Variants in FHIT observed in about 807,000 individuals in gnomAD.
The protein encoded by FHIT is fragile histidine triad diadenosine triphosphatase, also known as bis(5'-adenosyl)-triphosphatase.
A neutral mutation model predicts 17.9 loss-of-function variants in FHIT; 19 were observed. The observed-to-expected ratio is 1.06, with a 90% CI of 0.74 to 1.56. The LOEUF is 1.56. Among genes scored for constraint, FHIT ranks in the 40% most tolerant of loss-of-function variants. FHIT has a pLI of 0.00. For synonymous variants in FHIT, 81 were observed against 69.7 expected, an observed-to-expected ratio of 1.16 and a Z score of -0.81; for missense variants, 248 against 189.2, an observed-to-expected ratio of 1.31 and a Z score of -1.82.
chr3:61,014,326 C>T (rs1293788145), intron 3 of FHIT, among the ~76,000 whole-genome samples: 1 of 152,112 alleles, frequency 6.6e-6, no homozygotes, highest in Non-Finnish European at 1.5e-5. Flanking sequence ...TCACTATTTG[C>T]TCCTTGCTGC....
At chr3:60,169,624 CTGAGTA>C (rs1339749129) in intron 5 of FHIT, among the ~76,000 whole-genome samples, 1 of 152,114 alleles carries the variant, frequency 6.6e-6, no homozygotes, top group Non-Finnish European at 1.5e-5. Context: ...TAGAATAATC[CTGAGTA>C]TATTTTGGGA....
intron 5 of FHIT, among the ~76,000 whole-genome samples, chr3:60,529,150 T>G (rs2035679290): frequency 6.6e-6 from 1 of 152,200 alleles, no homozygotes; most frequent in Admixed American, 6.5e-5. Context: ...CAGAAGCTAT[T>G]TGCAAATTTA....
intron 1 of FHIT, among the ~76,000 whole-genome samples, chr3:61,216,792 T>C (rs1460761999): frequency 4.6e-5 from 7 of 152,080 alleles, no homozygotes; most frequent in Admixed American, 3.3e-4. Context: ...GGCACATATA[T>C]ACCATGGAAT....
intron 5 of FHIT, among the ~76,000 whole-genome samples, chr3:60,134,499 T>C (rs1334265913): frequency 2.6e-5 from 4 of 152,204 alleles, no homozygotes; most frequent in African/African-American, 9.6e-5. Flanking sequence ...CAAAACTTCA[T>C]AGGTTTATAC....
intron 3 of FHIT, among the ~76,000 whole-genome samples, chr3:60,868,805 C>T (rs1553754415): frequency 1.3e-5 from 2 of 152,152 alleles, no homozygotes; most frequent in Non-Finnish European, 2.9e-5. Context: ...AGGCCGTAAT[C>T]TCAGGACATG....
At chr3:59,932,184 A>C (rs997880719) in intron 7 of FHIT, among the ~76,000 whole-genome samples, 9 of 152,192 alleles carry the variant, frequency 5.9e-5, no homozygotes, top group Non-Finnish European at 1.2e-4. Flanking sequence ...TCCACACTGC[A>C]AGCCTGAGTA....
chr3:60,504,797 GC>G (rs2034662527), intron 5 of FHIT, among the ~76,000 whole-genome samples: 1 of 152,164 alleles, frequency 6.6e-6, no homozygotes, highest in African/African-American at 2.4e-5. Flanking sequence ...TAGCCTTTCT[GC>G]CCGGTAGTAA....
chr3:60,341,418 C>T (rs957151887), intron 5 of FHIT, among the ~76,000 whole-genome samples: 3 of 152,324 alleles, frequency 2.0e-5, no homozygotes, highest in African/African-American at 4.8e-5. Flanking sequence ...ACAAACTCTA[C>T]AGAAGCCTGG....
chr3:61,206,680 C>A (rs2039245429), intron 1 of FHIT, among the ~76,000 whole-genome samples: 1 of 151,842 alleles, frequency 6.6e-6, no homozygotes, highest in South Asian at 2.1e-4. Flanking sequence ...TATCCTGAGA[C>A]TTTCCTGAAG....
At chr3:59,891,378 C>T (rs940912909) in intron 8 of FHIT, among the ~76,000 whole-genome samples, 2 of 152,198 alleles carry the variant, frequency 1.3e-5, no homozygotes, top group South Asian at 2.1e-4. Context: ...GGTAAAGACA[C>T]AGGCTGCTAA....
intron 7 of FHIT, among the ~76,000 whole-genome samples, chr3:60,005,232 G>C (rs923207615): frequency 1.1e-4 from 16 of 152,194 alleles, no homozygotes; most frequent in African/African-American, 3.4e-4. Flanking sequence ...AAATACTAGG[G>C]AGCTTGGTTA....
chr3:61,164,299 T>G (rs562807135), intron 2 of FHIT, among the ~76,000 whole-genome samples: 11 of 152,202 alleles, frequency 7.2e-5, no homozygotes, highest in Non-Finnish European at 1.6e-4. Flanking sequence ...AAGCATGGTA[T>G]AGAAGAAGGC....
At chr3:60,944,604 G>C (rs891940092) in intron 3 of FHIT, among the ~76,000 whole-genome samples, 1 of 152,326 alleles carries the variant, frequency 6.6e-6, no homozygotes, top group Middle Eastern at 3.4e-3. Flanking sequence ...AAAACTCATA[G>C]TGTGGCAGAG....
chr3:60,302,840 C>G (rs1425956118), intron 5 of FHIT, among the ~76,000 whole-genome samples: 1 of 152,120 alleles, frequency 6.6e-6, no homozygotes, highest in Non-Finnish European at 1.5e-5. Context: ...GGGGGCTGAT[C>G]TAAATTTCTC....
intron 8 of FHIT, among the ~76,000 whole-genome samples, chr3:59,888,821 CAG>C (rs1198586744): frequency 6.6e-6 from 1 of 152,130 alleles, no homozygotes; most frequent in African/African-American, 2.4e-5. Context: ...TTATAATAAA[CAG>C]AAATTTATTT....
chr3:60,335,976 C>G lies in FHIT; in HGVS notation c.103+200884G>C, dbSNP rs113274957. On this transcript the variant is annotated intron_variant, in intron 5 of 9. Transcript: ENST00000492590. ...ACAGAACATATTCTGACAGATCTGACAGAAAACATGAAAAAGTGTGCTTTC... is the reference window on the plus strand; with the variant it reads ...ACAGAACATATTCTGACAGATCTGAGAGAAAACATGAAAAAGTGTGCTTTC... Among the ~76,000 whole-genome samples, 469 of 152,244 alleles carry G rather than the reference C, an allele frequency of 3.1e-3. 1 individual carries two copies. The highest frequency in any genetic ancestry group is 0.011 in the African/African-American group (449 of 41,534).
At chr3:60,386,484 T>A (rs979011086) in intron 5 of FHIT, among the ~76,000 whole-genome samples, 5 of 152,210 alleles carry the variant, frequency 3.3e-5, no homozygotes, top group South Asian at 2.1e-4. Flanking sequence ...TTCCTCTTCC[T>A]GTACTCTTGT....
rs148491060 is a variant in FHIT, at chr3:61,201,474, TA to T, written c.-212-810del. Reference sequence around the variant, plus strand: ...CTTTCTCTCATTTTTGGCTAGGTCCTAACATCTCCGAAAGGTGCAGTAGTTG... The same window carrying T: ...CTTTCTCTCATTTTTGGCTAGGTCCTACATCTCCGAAAGGTGCAGTAGTTG... On this transcript the variant is annotated intron_variant, in intron 1 of 9. Coordinates refer to ENST00000492590, the MANE Select transcript of FHIT (RefSeq NM_002012.4). 9.0e-3 allele frequency among the ~76,000 whole-genome samples: 1,373 copies of T among 152,328 alleles called. 25 individuals are homozygous for T. The highest frequency in any genetic ancestry group is 0.032 in the African/African-American group (1,313 of 41,574).
intron 4 of FHIT, among the ~76,000 whole-genome samples, chr3:60,621,802 G>C (rs1576987609): frequency 6.6e-6 from 1 of 151,484 alleles, no homozygotes; most frequent in South Asian, 2.1e-4. Context: ...GAGCACAGGA[G>C]ATTAAGGGTA....
Sources: allele counts gnomAD v4.1 joint callset (sites outside exome capture counted in the v4.1 genomes callset), GRCh38; gene constraint gnomAD v4.1.1; transcripts MANE v1.5; gene names NCBI Gene and HGNC (gene_info 2026-07-23, HGNC 2026-07-21).